Variants in EPHA5 observed in about 807,000 individuals in gnomAD.
EPHA5 encodes EPH receptor A5.
Under a neutral mutation model 105.0 loss-of-function variants are expected in EPHA5, and 60 were observed. The ratio of observed to expected loss-of-function variants is 0.57; its 90% CI spans 0.46 to 0.71. The LOEUF (loss-of-function observed/expected upper bound fraction) is 0.71. Ranked by LOEUF, EPHA5 falls within the 30% of genes least tolerant of loss-of-function variation. The probability of loss-of-function intolerance (pLI) is 0.00; values close to 1 mark genes in which losing one functional copy is unlikely to be tolerated. For missense variants in EPHA5, 1,218 were observed against 1,274.7 expected (o/e 0.96, Z 0.68); for synonymous variants, 513 against 449.1 (o/e 1.14, Z -1.80).
chr4:65,591,017 C>T (rs1316162189), intron 3 of EPHA5, among the ~76,000 whole-genome samples: 4 of 151,876 alleles, frequency 2.6e-5, no homozygotes, highest in African/African-American at 7.2e-5. Context: ...CAGGTTAATC[C>T]CTTCCCCAAC....
chr4:65,410,042 A>G (rs1722769623), intron 7 of EPHA5, among the ~76,000 whole-genome samples: 1 of 152,178 alleles, frequency 6.6e-6, no homozygotes, highest in South Asian at 2.1e-4. Flanking sequence ...TATACAATCC[A>G]GTGTTGTACT....
intron 1 of EPHA5, among the ~76,000 whole-genome samples, chr4:65,659,443 G>A (rs985119544): frequency 2.6e-5 from 4 of 151,376 alleles, no homozygotes; most frequent in Non-Finnish European, 5.9e-5. Flanking sequence ...TGGGGATCTG[G>A]ACAATGAAGA....
rs1373267025 is a variant in EPHA5 at position 65,321,930 on chromosome 4, T to C, written c.*2184A>G. 4.4e-6 allele frequency: 1 copy of C among 225,780 alleles called. No homozygotes were observed. Among genetic ancestry groups the C allele is most frequent in the Non-Finnish European group, 8.8e-6 (1 of 113,310 alleles). 14.0% of individuals were successfully genotyped at this position (225,780 alleles called of 1,614,324 possible). A position where few individuals can be genotyped will look rare whatever the true frequency, so the allele number is the denominator to read the frequency against. On this transcript the variant is annotated 3_prime_UTR_variant, in exon 17 of 17. Transcript: ENST00000613740. The stretch of plus-strand genomic sequence containing the variant: ...CTCAGTTGTTACTTTATCACTTAGA[T>C]TGGAATATTTCTATAAAATTCAATA...
intron 5 of EPHA5, among the ~76,000 whole-genome samples, chr4:65,448,524 T>C (rs1023755836): frequency 6.6e-6 from 1 of 152,056 alleles, no homozygotes; most frequent in Non-Finnish European, 1.5e-5. Flanking sequence ...GGCACAGGCC[T>C]GTAGTCCCAG....
chr4:65,331,270 C>T, intron 16 of EPHA5: 2 of 1,029,770 alleles, frequency 1.9e-6, no homozygotes, highest in African/African-American at 3.4e-5. Flanking sequence ...CTAAAACAAC[C>T]ACATGTACAG....
At chr4:65,454,184 G>A (rs1727343540) in intron 5 of EPHA5, among the ~76,000 whole-genome samples, 1 of 152,080 alleles carries the variant, frequency 6.6e-6, no homozygotes, top group African/African-American at 2.4e-5. Context: ...GAAGGCTGAG[G>A]CAGAAGAATC....
intron 8 of EPHA5, among the ~76,000 whole-genome samples, chr4:65,385,191 A>T (rs1024230544): frequency 5.9e-5 from 9 of 151,920 alleles, no homozygotes; most frequent in Non-Finnish European, 1.3e-4. Flanking sequence ...TGAAAAAATA[A>T]CATCAATTAA....
chr4:65,404,541 A>G, intron 7 of EPHA5, 62 bp from the exon 8 acceptor site: 1 of 1,472,404 alleles, frequency 6.8e-7, no homozygotes, highest in Non-Finnish European at 9.5e-7. Context: ...TCAAAATAAA[A>G]GTTGCTTAAT....
intron 3 of EPHA5, among the ~76,000 whole-genome samples, chr4:65,540,745 T>C (rs939580176): frequency 6.6e-6 from 1 of 150,870 alleles, no homozygotes; most frequent in African/African-American, 2.4e-5. Flanking sequence ...TTTAACTGAG[T>C]TTTATTTCCT....
At chr4:65,513,911 A>G (rs1031095934) in intron 3 of EPHA5, among the ~76,000 whole-genome samples, 4 of 152,118 alleles carry the variant, frequency 2.6e-5, no homozygotes, top group Non-Finnish European at 4.4e-5. Context: ...AACTTTGTAC[A>G]GTCCTTTGTT....
chr4:65,653,437 A>G (rs1748782625), intron 1 of EPHA5, among the ~76,000 whole-genome samples: 1 of 152,144 alleles, frequency 6.6e-6, no homozygotes, highest in African/African-American at 2.4e-5. Context: ...TAACACAGAC[A>G]AAAATACTAA....
chr4:65,465,655 G>A (rs1054575133), intron 5 of EPHA5, among the ~76,000 whole-genome samples: 5 of 152,036 alleles, frequency 3.3e-5, no homozygotes, highest in African/African-American at 1.2e-4. Context: ...GAAATAATAG[G>A]AATATGACAG....
chr4:65,326,032 ATATATATATG>A (rs1212472061), intron 16 of EPHA5, among the ~76,000 whole-genome samples: 24 of 146,500 alleles, frequency 1.6e-4, no homozygotes, highest in South Asian at 4.2e-4. Context: ...TATATATCTC[ATATATATATG>A]TATATATATG....
chr4:65,382,618 C>A (rs995368688), intron 8 of EPHA5, among the ~76,000 whole-genome samples: 4 of 151,900 alleles, frequency 2.6e-5, no homozygotes, highest in African/African-American at 4.8e-5. Flanking sequence ...TACATAACAA[C>A]AGTTCTCTAC....
At position 65,414,760 on chromosome 4, in the gene EPHA5, T is replaced by C. The variant is rs1292762703; in HGVS notation, c.1528-317A>G. 8.6e-5 allele frequency among the ~76,000 whole-genome samples: 13 copies of C among 150,296 alleles called. No individual in the cohort carries two copies. In the Admixed American group the frequency reaches 8.7e-4, roughly 10 times the overall value. On this transcript the variant is annotated intron_variant, in intron 6 of 16. Transcript: ENST00000613740. Reference sequence around the variant, plus strand: ...GATTATTTTACAGACTCTATTTTAGTATTGTTATTTTTGTGCTTTTTTTCC... The same window carrying C: ...GATTATTTTACAGACTCTATTTTAGCATTGTTATTTTTGTGCTTTTTTTCC...
At position 65,476,296 on chromosome 4, in the gene EPHA5, C is replaced by T. The variant is rs181264888; in HGVS notation, c.1402+14081G>A. Among the ~76,000 whole-genome samples, 3 of 152,022 alleles carry T rather than the reference C, an allele frequency of 2.0e-5. No individual in the cohort carries two copies. The East Asian group carries it at 5.8e-4, about 29-fold the overall frequency. On this transcript the variant is annotated intron_variant, in intron 5 of 16. Coordinates refer to ENST00000613740, the MANE Select transcript of EPHA5 (RefSeq NM_001281766.3). The stretch of plus-strand genomic sequence containing the variant: ...TAAAGATTGAAAATACTGTGAATTG[C>T]CATTAAATAACACAATACACAAAAT...
chr4:65,360,850 T>C (rs1450302238), intron 11 of EPHA5, among the ~76,000 whole-genome samples: 1 of 151,544 alleles, frequency 6.6e-6, no homozygotes, highest in Non-Finnish European at 1.5e-5. Context: ...ACCTAATGTG[T>C]CTGGCCCTTT....
intron 8 of EPHA5, 64 bp downstream of exon 8, chr4:65,404,310 T>C (rs927048759): frequency 1.4e-6 from 2 of 1,381,774 alleles, no homozygotes; most frequent in African/African-American, 1.4e-5. Flanking sequence ...AACAGCCAAA[T>C]GGTCAGATCA....
intron 7 of EPHA5, among the ~76,000 whole-genome samples, chr4:65,406,541 C>T (rs1422494605): frequency 6.6e-6 from 1 of 152,126 alleles, no homozygotes; most frequent in Non-Finnish European, 1.5e-5. Flanking sequence ...AATGATTCTT[C>T]ATGAATGCTC....
Sources: gnomAD v4.1 joint callset for allele counts (sites outside exome capture counted in the v4.1 genomes callset) on GRCh38, gnomAD v4.1.1 for gene constraint, MANE v1.5 for transcripts, NCBI Gene and HGNC (gene_info 2026-07-23, HGNC 2026-07-21) for gene names.